QTMAN: variants seen among roughly 807,000 people sequenced by gnomAD.
The protein encoded by QTMAN is tRNA-queuosine alpha-mannosyltransferase.
the QTMAN span, chr2:143,970,636 A>C: frequency 8.6e-6 from 11 of 1,274,210 alleles, no homozygotes; most frequent in Admixed American, 1.7e-5. Flanking sequence ...ACACATTAGA[A>C]AATTCAACAG....
the QTMAN span, among the ~76,000 whole-genome samples, chr2:144,118,644 G>A: frequency 6.6e-6 from 1 of 152,186 alleles, no homozygotes; most frequent in African/African-American, 2.4e-5. Context: ...AGCACTTTGG[G>A]AGGCCGAGGT....
chr2:144,096,792 T>C, the QTMAN span, among the ~76,000 whole-genome samples: 6 of 152,228 alleles, frequency 3.9e-5, no homozygotes, highest in African/African-American at 4.8e-5. Context: ...TGACTGCGCA[T>C]CAAAGCTTAG....
the QTMAN span, among the ~76,000 whole-genome samples, chr2:144,271,227 G>A: frequency 4.6e-5 from 7 of 152,136 alleles, no homozygotes; most frequent in Non-Finnish European, 1.0e-4. Flanking sequence ...TAATTCCATG[G>A]AAATAGCTGT....
At chr2:143,992,048 T>A in the QTMAN span, among the ~76,000 whole-genome samples, 1 of 152,158 alleles carries the variant, frequency 6.6e-6, no homozygotes, top group Non-Finnish European at 1.5e-5. Flanking sequence ...AACAGCTCAT[T>A]GAGAACGGGC....
At chr2:144,118,001 A>G in the QTMAN span, among the ~76,000 whole-genome samples, 1 of 151,998 alleles carries the variant, frequency 6.6e-6, no homozygotes, top group Non-Finnish European at 1.5e-5. Flanking sequence ...GCCCGCCACC[A>G]CGCCCGGCTA....
chr2:144,182,393 C>T, the QTMAN span, among the ~76,000 whole-genome samples: 1 of 152,044 alleles, frequency 6.6e-6, no homozygotes, highest in Admixed American at 6.6e-5. Context: ...GTAATCCCAG[C>T]ACTTTGGGAG....
the QTMAN span, among the ~76,000 whole-genome samples, chr2:144,074,446 T>C: frequency 2.0e-5 from 3 of 152,228 alleles, no homozygotes; most frequent in Admixed American, 1.3e-4. Context: ...TCCAAGCTCA[T>C]TTAAAAATCA....
the QTMAN span, among the ~76,000 whole-genome samples, chr2:144,075,877 G>A: frequency 3.4e-3 from 520 of 152,352 alleles, 2 homozygotes; most frequent in African/African-American, 0.012. Flanking sequence ...AGTTGTGTCA[G>A]TCCTGAATAT....
the QTMAN span, among the ~76,000 whole-genome samples, chr2:144,119,877 A>AAAAAAC: frequency 2.1e-5 from 3 of 139,708 alleles, no homozygotes; most frequent in African/African-American, 1.0e-4. Context: ...AAAACAAAAC[A>AAAAAAC]AAAAACAAAA....
chr2:144,206,605 A>T, the QTMAN span, among the ~76,000 whole-genome samples: 1 of 152,220 alleles, frequency 6.6e-6, no homozygotes, highest in Non-Finnish European at 1.5e-5. Flanking sequence ...ACCTTGAGAG[A>T]TGACAGATAC....
the QTMAN span, among the ~76,000 whole-genome samples, chr2:144,002,976 G>C: frequency 6.6e-6 from 1 of 151,896 alleles, no homozygotes; most frequent in Non-Finnish European, 1.5e-5. Context: ...CTTCTACTTA[G>C]ACATTATAGA....
At chr2:144,092,357 A>G in the QTMAN span, among the ~76,000 whole-genome samples, 1 of 151,892 alleles carries the variant, frequency 6.6e-6, no homozygotes, top group Non-Finnish European at 1.5e-5. Flanking sequence ...TTGTACTTTT[A>G]GTAGAGACAG....
At chr2:144,295,857 C>T in the QTMAN span, among the ~76,000 whole-genome samples, 1 of 152,148 alleles carries the variant, frequency 6.6e-6, no homozygotes, top group Non-Finnish European at 1.5e-5. Context: ...ACCTCAGCCT[C>T]CCAAAGTGCT....
At chr2:143,949,820 T>C in the QTMAN span, among the ~76,000 whole-genome samples, 1 of 151,582 alleles carries the variant, frequency 6.6e-6, no homozygotes, top group Non-Finnish European at 1.5e-5. Flanking sequence ...GTATCATTAT[T>C]ATAAAGGTTT....
chr2:144,181,098 G>A, the QTMAN span, among the ~76,000 whole-genome samples: 5 of 152,266 alleles, frequency 3.3e-5, no homozygotes, highest in African/African-American at 1.2e-4. Context: ...GAAACAGATA[G>A]GTATCTGTTT....
At chr2:143,938,350 T>A in the QTMAN span, 1 of 152,188 alleles carries the variant, frequency 6.6e-6, no homozygotes. Flanking sequence ...CCACAGAAGG[T>A]GGAGGAGTGT....
chr2:144,105,854 G>C, the QTMAN span, among the ~76,000 whole-genome samples: 32 of 152,316 alleles, frequency 2.1e-4, no homozygotes, highest in African/African-American at 7.5e-4. Flanking sequence ...CAGCCAGAGA[G>C]AAAGGTCAGG....
the QTMAN span, among the ~76,000 whole-genome samples, chr2:144,095,418 A>G: frequency 1.3e-5 from 2 of 152,194 alleles, no homozygotes; most frequent in African/African-American, 2.4e-5. Flanking sequence ...ACTCTAAGTC[A>G]TTCTAATGAG....
At chr2:144,108,806 T>C in the QTMAN span, among the ~76,000 whole-genome samples, 1 of 152,096 alleles carries the variant, frequency 6.6e-6, no homozygotes, top group African/African-American at 2.4e-5. Flanking sequence ...TGAACTCCTA[T>C]TCACAATTGC....
Sources: gnomAD v4.1 joint callset for allele counts (sites outside exome capture counted in the v4.1 genomes callset) on GRCh38, gnomAD v4.1.1 for gene constraint, MANE v1.5 for transcripts, NCBI Gene and HGNC (gene_info 2026-07-23, HGNC 2026-07-21) for gene names.